TM6SF1: variants seen among roughly 807,000 people sequenced by gnomAD.
TM6SF1 encodes the protein transmembrane 6 superfamily member 1.
TM6SF1 carries 43 observed loss-of-function variants against 47.1 expected under a neutral mutation model. The observed-to-expected ratio is 0.91, with a 90% confidence interval of 0.72 to 1.18. The LOEUF is 1.18. TM6SF1 is among the 50% of genes most tolerant of loss of function. The probability of loss-of-function intolerance (pLI) is 0.00; values close to 1 mark genes in which losing one functional copy is unlikely to be tolerated. For synonymous variants in TM6SF1, 177 were observed against 166.3 expected, an observed-to-expected ratio of 1.06 and a Z score of -0.49; for missense variants, 390 against 449.0, an observed-to-expected ratio of 0.87 and a Z score of 1.19.
intron 2 of TM6SF1, chr15:83,114,805 A>G (rs148453043): frequency 1.3e-5 from 2 of 152,348 alleles, no homozygotes; most frequent in East Asian, 3.9e-4. Flanking sequence ...AACATGCACT[A>G]AATTTGATCA....
intron 8 of TM6SF1, 85 bp downstream of exon 8, chr15:83,126,932 C>T: frequency 9.5e-7 from 1 of 1,053,310 alleles, no homozygotes; most frequent in Non-Finnish European, 1.4e-6. Flanking sequence ...GTGGCTCACG[C>T]CTGTAATCCC....
chr15:83,127,635 CATTTT>C (rs2035884912), intron 9 of TM6SF1, 158 bp downstream of exon 9: 1 of 720,462 alleles, frequency 1.4e-6, no homozygotes, highest in South Asian at 1.7e-5. Flanking sequence ...TCTGCAAGTA[CATTTT>C]ATTTCAATCT....
chr15:83,114,257 C>T (rs2034453051), intron 2 of TM6SF1: 1 of 152,608 alleles, frequency 6.6e-6, no homozygotes, highest in African/African-American at 2.4e-5. Context: ...TACCCTCAGC[C>T]CTCTGTCCTG....
At position 83,115,882 on chromosome 15, in the gene TM6SF1, C is replaced by G; in HGVS notation, c.234C>G (p.Leu78=). The G allele has an allele frequency of 6.2e-7, 1 of 1,614,146 alleles. No individual in the cohort carries two copies. The highest frequency in any genetic ancestry group is 8.5e-7 in the Non-Finnish European group (1 of 1,180,006). The change falls in exon 3 of 10, where the codon CTC becomes CTG. Residue 78 remains leucine (L), a synonymous_variant. Coordinates refer to ENST00000322019, the MANE Select transcript of TM6SF1 (RefSeq NM_023003.5). ...AVFGFTSVVN[L]IIGLEQDGII... The stretch of plus-strand genomic sequence containing the variant: ...TTGGATTTACCAGCGTGGTGAACCT[C>G]ATCATAGGACTGGAGCAAGATGGAA...
At chr15:83,135,818 G>A (rs962453689) in intron 9 of TM6SF1, 2 of 152,064 alleles carry the variant, frequency 1.3e-5, no homozygotes, top group South Asian at 2.1e-4. Flanking sequence ...AAGAGCAACC[G>A]TACTCCTACC....
At chr15:83,125,525 C>G (rs1596507500) in intron 7 of TM6SF1, among the ~76,000 whole-genome samples, 2 of 152,300 alleles carry the variant, frequency 1.3e-5, no homozygotes, top group Admixed American at 1.3e-4. Context: ...TAATGTACAT[C>G]AAACACTTGG....
At position 83,136,620 on chromosome 15, in the gene TM6SF1, T is replaced by G. The variant is rs1187293112; in HGVS notation, c.1061T>G (p.Ile354Ser). 6.2e-7 allele frequency: 1 copy of G among 1,611,094 alleles called. No individual in the cohort carries two copies. The highest frequency in any genetic ancestry group is 1.7e-5 in the Admixed American group (1 of 59,196). Residue 354 changes from isoleucine to serine, a missense_variant, in exon 10 of 10, where the codon ATC becomes AGC. Transcript: ENST00000322019. ...VLPQLLAYRC[I>S]YKPEFFIKTK... ...CCTCAGCTCTTGGCCTATCGTTGTA[T>G]CTACAAACCAGAGTTCTTCATAAAA...
chr15:83,122,739 T>G lies in TM6SF1; in HGVS notation c.482-18T>G, dbSNP rs2035385833. On this transcript the variant is annotated intron_variant, in intron 5 of 9. Coordinates refer to ENST00000322019, the MANE Select transcript of TM6SF1 (RefSeq NM_023003.5). Reference sequence around the variant, plus strand: ...ATATGCTTTTGGTAACTTCTTTCTCTTTCTCTCTTTTAAATAGGGAAGTAT... The same window carrying G: ...ATATGCTTTTGGTAACTTCTTTCTCGTTCTCTCTTTTAAATAGGGAAGTAT... 2.5e-6 allele frequency: 4 copies of G among 1,610,670 alleles called. No individual in the cohort carries two copies. The South Asian group carries it at 4.4e-5, about 18-fold the overall frequency.
chr15:83,109,970 C>T lies in TM6SF1; in HGVS notation c.92+2198C>T, dbSNP rs190936830. On this transcript the variant is annotated intron_variant, in intron 1 of 9. Transcript: ENST00000322019. Reference sequence around the variant, plus strand: ...CAGTCCCTTGTTTGCACCTTTCTCCCGAGAGTTACTTTCCTGTGGTAAGAA... The same window carrying T: ...CAGTCCCTTGTTTGCACCTTTCTCCTGAGAGTTACTTTCCTGTGGTAAGAA... 2.6e-3 allele frequency among the ~76,000 whole-genome samples: 389 copies of T among 152,234 alleles called. 4 individuals are homozygous for T. Among genetic ancestry groups the T allele is most frequent in the African/African-American group, 9.0e-3 (372 of 41,550 alleles).
In TM6SF1 at chr15:83,107,770, T is replaced by A. The variant is rs2033792287; in HGVS notation, c.90T>A (p.His30Gln). 1.3e-6 allele frequency: 2 copies of A among 1,578,586 alleles called. No individual in the cohort carries two copies. The highest frequency in any genetic ancestry group is 1.7e-6 in the Non-Finnish European group (2 of 1,163,954). ...TYVFNHLAAQ[H>Q]DSWTIVGVAA... ...TCTTCAACCACCTGGCGGCCCAGCA[T>A]GAGTGAGTGAGCCGGCGCGGCGGGG... Residue 30 changes from histidine (H) to glutamine (Q), a missense_variant and splice_region_variant, in exon 1 of 10, where the codon CAT (histidine) becomes CAA (glutamine). By Grantham distance (24) the His-to-Gln change is conservative. Transcript: ENST00000322019. The surrounding 1 kb of genome is among the most constrained non-coding windows in gnomAD (Gnocchi z 5.6).
intron 7 of TM6SF1, among the ~76,000 whole-genome samples, 179 bp from the exon 8 acceptor site, chr15:83,126,576 G>A (rs185938894): frequency 1.4e-4 from 22 of 152,250 alleles, no homozygotes; most frequent in African/African-American, 5.3e-4. Flanking sequence ...ATTAACCTTT[G>A]CTTAGTCTCC....
intron 2 of TM6SF1, 123 bp downstream of exon 2, chr15:83,113,023 T>C: frequency 3.7e-6 from 3 of 817,074 alleles, no homozygotes; most frequent in Non-Finnish European, 6.1e-6. Context: ...GCTGCAAGTG[T>C]AGGGGTGTTT....
At chr15:83,118,286 G>C (rs2034888525) in intron 3 of TM6SF1, among the ~76,000 whole-genome samples, 1 of 152,030 alleles carries the variant, frequency 6.6e-6, no homozygotes, top group Non-Finnish European at 1.5e-5. Context: ...GCAAGAGAGA[G>C]AGAGGCAAGA....
chr15:83,125,741 T>TCC (rs1176466787), intron 7 of TM6SF1, among the ~76,000 whole-genome samples: 2 of 152,228 alleles, frequency 1.3e-5, no homozygotes, highest in Non-Finnish European at 2.9e-5. Context: ...GAGTGGCAAG[T>TCC]GTAAGCCCAT....
At chr15:83,130,362 A>C (rs1298208493) in intron 9 of TM6SF1, 1 of 152,474 alleles carries the variant, frequency 6.6e-6, no homozygotes, top group Non-Finnish European at 1.5e-5. Context: ...TGAGAAGGGC[A>C]GTGTGGACTA....
At chr15:83,116,663 C>G (rs2034690206) in intron 3 of TM6SF1, among the ~76,000 whole-genome samples, 1 of 152,180 alleles carries the variant, frequency 6.6e-6, no homozygotes, top group African/African-American at 2.4e-5. Flanking sequence ...AGGGTCCGTG[C>G]CATGAGCTGG....
At chr15:83,119,463 C>A in intron 3 of TM6SF1, 115 bp from the exon 4 acceptor site, 1 of 1,076,176 alleles carries the variant, frequency 9.3e-7, no homozygotes, top group Non-Finnish European at 1.4e-6. Flanking sequence ...ATAGTTTCAT[C>A]TTAGCAGATG....
At position 83,112,817 on chromosome 15, in the gene TM6SF1, T is replaced by C; in HGVS notation, c.113T>C (p.Val38Ala). The change falls in exon 2 of 10, where the codon GTT (valine) becomes GCT (alanine). Residue 38 changes from valine (V) to alanine (A), a missense_variant. Physicochemically the swap from Val to Ala is moderately conservative, Grantham distance 64 (BLOSUM62 0). Transcript: ENST00000322019. Reference sequence around the variant, plus strand: ...TGCAGTTCCTGGACTATTGTAGGGGTTGCTGCCCTCATCCTGTTCCTGGTA... The same window carrying C: ...TGCAGTTCCTGGACTATTGTAGGGGCTGCTGCCCTCATCCTGTTCCTGGTA... ...AQHDSWTIVG[V>A]AALILFLVAL... is the part of the protein sequence containing the mutation. 6.2e-7 allele frequency: 1 copy of C among 1,614,072 alleles called. No individual in the cohort carries two copies. Among genetic ancestry groups the C allele is most frequent in the Non-Finnish European group, 8.5e-7 (1 of 1,179,928 alleles).
intron 6 of TM6SF1, among the ~76,000 whole-genome samples, chr15:83,124,004 A>G (rs1368282275): frequency 1.3e-5 from 2 of 152,208 alleles, no homozygotes; most frequent in African/African-American, 4.8e-5. Context: ...TCTTCAGGAA[A>G]TCATCACACA....
Sources: gnomAD v4.1 joint callset for allele counts (sites outside exome capture counted in the v4.1 genomes callset) on GRCh38, gnomAD v4.1.1 for gene constraint, Gnocchi (gnomAD v3.1) non-coding constraint, MANE v1.5 for transcripts, NCBI Gene and HGNC (gene_info 2026-07-23, HGNC 2026-07-21) for gene names.